The following ITGB5 variants were observed in gnomAD, a reference collection of about 807,000 sequenced individuals.
The protein encoded by ITGB5 is integrin beta-5.
A neutral mutation model predicts 84.8 loss-of-function variants in ITGB5; 38 were observed. The ratio of observed to expected loss-of-function variants is 0.45; its 90% CI spans 0.35 to 0.59. ITGB5 has a LOEUF of 0.59. ITGB5 is among the 20% of genes least tolerant of loss of function. The pLI is 0.01. For synonymous variants in ITGB5, 393 were observed against 414.4 expected (o/e 0.95, Z 0.63); for missense variants, 905 against 1,034.5 (o/e 0.87, Z 1.72).
chr3:124,772,423 C>T (rs1030851350), intron 11 of ITGB5, among the ~76,000 whole-genome samples: 6 of 152,156 alleles, frequency 3.9e-5, no homozygotes, highest in East Asian at 1.9e-4. Flanking sequence ...GACCAGCAGC[C>T]GCTGCAGGCG....
chr3:124,779,507 AGAG>A lies in ITGB5; in HGVS notation c.1694-5598_1694-5596del, dbSNP rs556374003. ...AAGTTGTGCATAAGGCTGAGGATGA[AGAG>A]GAGCCTGTTCACCATGAAACATGGG... On this transcript the variant is annotated intron_variant, in intron 10 of 14. Coordinates refer to ENST00000296181, the MANE Select transcript of ITGB5 (RefSeq NM_002213.5). Among the ~76,000 whole-genome samples the A allele has an allele frequency of 9.7e-4, 148 of 152,248 alleles. 1 individual carries two copies. The highest frequency in any genetic ancestry group is 3.0e-3 in the African/African-American group (125 of 41,530).
intron 1 of ITGB5, among the ~76,000 whole-genome samples, chr3:124,899,335 G>A (rs1167040074): frequency 1.3e-5 from 2 of 152,102 alleles, no homozygotes; most frequent in East Asian, 1.9e-4. Flanking sequence ...TTTCCCTCAG[G>A]AAGTTCAGGT....
At chr3:124,800,240 A>G (rs2064296049) in intron 9 of ITGB5, among the ~76,000 whole-genome samples, 1 of 152,178 alleles carries the variant, frequency 6.6e-6, no homozygotes, top group Non-Finnish European at 1.5e-5. Flanking sequence ...GAAACTGAAT[A>G]AACTACAGAG....
At chr3:124,828,479 A>T (rs940245888) in intron 5 of ITGB5, among the ~76,000 whole-genome samples, 20 of 152,230 alleles carry the variant, frequency 1.3e-4, no homozygotes, top group African/African-American at 4.8e-4. Flanking sequence ...GTGTAGTGAC[A>T]GAAAGCAAAT....
chr3:124,830,392 G>A (rs2064843673), intron 5 of ITGB5, among the ~76,000 whole-genome samples: 1 of 152,188 alleles, frequency 6.6e-6, no homozygotes, highest in South Asian at 2.1e-4. Context: ...CAAATAAAAT[G>A]AACATGTATA....
intron 9 of ITGB5, among the ~76,000 whole-genome samples, 186 bp downstream of exon 9, chr3:124,808,836 A>T (rs1405070201): frequency 2.0e-5 from 3 of 152,222 alleles, no homozygotes; most frequent in African/African-American, 7.2e-5. Context: ...TGGGCTCTTT[A>T]ACAAGTTCAC....
chr3:124,763,346 A>C lies in ITGB5; in HGVS notation c.*277T>G. ...CATCTCAGTATTTCATTGGGACAAC[A>C]AGCTGGATGTGGCAGGGAAAGCTGA... On this transcript the variant is annotated 3_prime_UTR_variant, in exon 15 of 15. Coordinates refer to ENST00000296181, the MANE Select transcript of ITGB5 (RefSeq NM_002213.5). 3.4e-6 allele frequency: 1 copy of C among 293,800 alleles called. No homozygotes were observed. Among genetic ancestry groups the C allele is most frequent in the Non-Finnish European group, 6.4e-6 (1 of 155,232 alleles). 18.2% of individuals were successfully genotyped at this position (293,800 alleles called of 1,614,324 possible). A position where few individuals can be genotyped will look rare whatever the true frequency, so the allele number is the denominator to read the frequency against.
At chr3:124,819,154 C>T (rs928562906) in intron 7 of ITGB5, among the ~76,000 whole-genome samples, 1 of 152,216 alleles carries the variant, frequency 6.6e-6, no homozygotes, top group African/African-American at 2.4e-5. Context: ...CTGCTCTATT[C>T]ACTCAGGACA....
At chr3:124,828,282 C>T (rs530271130) in intron 5 of ITGB5, among the ~76,000 whole-genome samples, 2 of 152,256 alleles carry the variant, frequency 1.3e-5, no homozygotes, top group South Asian at 4.1e-4. Flanking sequence ...AAACTAATGT[C>T]CATTAACAGA....
intron 1 of ITGB5, among the ~76,000 whole-genome samples, chr3:124,884,616 A>C (rs997753012): frequency 6.6e-5 from 10 of 152,064 alleles, no homozygotes; most frequent in African/African-American, 2.2e-4. Flanking sequence ...CTTGAACCTG[A>C]GAGGCAGAGG....
chr3:124,786,060 A>G (rs1450443063), intron 10 of ITGB5, among the ~76,000 whole-genome samples: 3 of 152,168 alleles, frequency 2.0e-5, no homozygotes, highest in East Asian at 1.9e-4. Flanking sequence ...ATTTTCCCCA[A>G]TGTAAATAGT....
rs2064044399 is a variant in ITGB5, at chr3:124,784,033, G to A, written c.1694-10121C>T. Among the ~76,000 whole-genome samples, 3 of 152,106 alleles carry A rather than the reference G, an allele frequency of 2.0e-5. No individual in the cohort carries two copies. In the South Asian group the frequency reaches 6.2e-4, roughly 32 times the overall value. On this transcript the variant is annotated intron_variant, in intron 10 of 14. Coordinates refer to ENST00000296181, the MANE Select transcript of ITGB5 (RefSeq NM_002213.5). Reference sequence around the variant, plus strand: ...ACTACATGGGGCATTCTGTATCTGAGTAGCAAAATACCACTGCTATAAAAA... The same window carrying A: ...ACTACATGGGGCATTCTGTATCTGAATAGCAAAATACCACTGCTATAAAAA...
At chr3:124,791,157 G>A (rs1283327096) in intron 10 of ITGB5, 1 of 152,164 alleles carries the variant, frequency 6.6e-6, no homozygotes. Flanking sequence ...CAACTGAACA[G>A]AACATGTCCT....
At chr3:124,779,132 G>A (rs2063965803) in intron 10 of ITGB5, among the ~76,000 whole-genome samples, 1 of 152,170 alleles carries the variant, frequency 6.6e-6, no homozygotes, top group African/African-American at 2.4e-5. Flanking sequence ...GGGTGCCACT[G>A]GAGTTGACAC....
intron 10 of ITGB5, among the ~76,000 whole-genome samples, chr3:124,775,778 C>G (rs187733860): frequency 8.5e-5 from 13 of 152,234 alleles, no homozygotes; most frequent in Admixed American, 7.9e-4. Flanking sequence ...TGTGTGTGAC[C>G]CACAATATAA....
chr3:124,813,368 C>A (rs1304648326), intron 8 of ITGB5, among the ~76,000 whole-genome samples: 2 of 152,182 alleles, frequency 1.3e-5, no homozygotes, highest in Non-Finnish European at 2.9e-5. Flanking sequence ...GGTTGGTTAT[C>A]TTCTAATTCA....
At chr3:124,771,057 A>G (rs2063835873) in intron 11 of ITGB5, among the ~76,000 whole-genome samples, 1 of 151,998 alleles carries the variant, frequency 6.6e-6, no homozygotes, top group African/African-American at 2.4e-5. Flanking sequence ...CCATGTGGAC[A>G]TATCAGTCTA....
intron 11 of ITGB5, chr3:124,770,245 A>T (rs1338074626): frequency 6.6e-6 from 1 of 152,308 alleles, no homozygotes; most frequent in Non-Finnish European, 1.5e-5. Context: ...GGACTTTGTG[A>T]TGCAGTGCTG....
At chr3:124,792,210 G>A (rs190405846) in intron 10 of ITGB5, 1 of 152,240 alleles carries the variant, frequency 6.6e-6, no homozygotes, top group East Asian at 1.9e-4. Context: ...AAAGTCATTC[G>A]ACTTCAAGTG....
Sources: allele counts gnomAD v4.1 joint callset (sites outside exome capture counted in the v4.1 genomes callset), GRCh38; gene constraint gnomAD v4.1.1; transcripts MANE v1.5; gene names NCBI Gene and HGNC (gene_info 2026-07-23, HGNC 2026-07-21).